CNTN2: variants seen among roughly 807,000 people sequenced by gnomAD.
The protein encoded by CNTN2 is contactin-2.
Under a neutral mutation model 117.5 loss-of-function variants are expected in CNTN2, and 53 were observed. That is an observed-to-expected ratio of 0.45 (90% CI 0.36 to 0.57). The LOEUF (loss-of-function observed/expected upper bound fraction) is 0.57. Ranked by LOEUF, CNTN2 falls within the 20% of genes least tolerant of loss-of-function variation. The probability of loss-of-function intolerance (pLI) is 0.00; values close to 1 mark genes in which losing one functional copy is unlikely to be tolerated. For missense variants in CNTN2, 1,106 were observed against 1,404.3 expected (o/e 0.79, Z 3.39); for synonymous variants, 530 against 561.7 (o/e 0.94, Z 0.80).
chr1:205,062,081 CT>C, intron 9 of CNTN2, 80 bp downstream of exon 9: 1 of 1,527,710 alleles, frequency 6.5e-7, no homozygotes, highest in Non-Finnish European at 8.8e-7. Context: ...AGAACTTCCC[CT>C]GCACCACTAG....
chr1:205,070,114 G>C, intron 18 of CNTN2, 53 bp downstream of exon 18: 2 of 1,550,972 alleles, frequency 1.3e-6, no homozygotes, highest in South Asian at 2.2e-5. Context: ...CTTGTCCACA[G>C]GGATGTGGGG....
At position 205,061,474 on chromosome 1, in the gene CNTN2, A is replaced by G. The variant is rs1181212058; in HGVS notation, c.973+54A>G. The G allele has an allele frequency of 1.3e-6, 2 of 1,493,550 alleles. No individual in the cohort carries two copies. Among genetic ancestry groups the G allele is most frequent in the African/African-American group, 1.4e-5 (1 of 72,056 alleles). 92.5% of individuals were successfully genotyped at this position (1,493,550 alleles called of 1,614,324 possible). A position where few individuals can be genotyped will look rare whatever the true frequency, so the allele number is the denominator to read the frequency against. Reference sequence around the variant, plus strand: ...CCTCCCGACCCCCCTTCCCGCCTTCACCCTTGTCCCCAAGGAAACAGACCC... The same window carrying G: ...CCTCCCGACCCCCCTTCCCGCCTTCGCCCTTGTCCCCAAGGAAACAGACCC... On this transcript the variant is annotated intron_variant, in intron 8 of 22. Coordinates refer to ENST00000331830, the MANE Select transcript of CNTN2 (RefSeq NM_005076.5). The surrounding 1 kb of genome is among the most constrained non-coding windows in gnomAD (Gnocchi z 4.8).
In CNTN2 at chr1:205,059,616, G is replaced by T. The variant is rs774885705; in HGVS notation, c.731G>T (p.Arg244Leu). 1.2e-6 allele frequency: 2 copies of T among 1,614,140 alleles called. No individual in the cohort carries two copies. ...CTCTTTGCACCCAGCATCAAGGCCCGGTTCCCAGCAGAGACCTATGCACTG... is the reference window on the plus strand; with the variant it reads ...CTCTTTGCACCCAGCATCAAGGCCCTGTTCCCAGCAGAGACCTATGCACTG... ...TRLFAPSIKA[R>L]FPAETYALVG... The change falls in exon 7 of 23, where the codon CGG (arginine) becomes CTG (leucine). Residue 244 changes from arginine (R) to leucine (L), a missense_variant. Coordinates refer to ENST00000331830, the MANE Select transcript of CNTN2 (RefSeq NM_005076.5). This position sits in a 1 kb window ranked among gnomAD's most constrained non-coding sequence, Gnocchi z 5.6.
At chr1:205,064,126 A>AGGGGGGGGGGGGGGGGGGGG (rs11329962) in intron 10 of CNTN2, among the ~76,000 whole-genome samples, 196 bp from the exon 11 acceptor site, 7 of 94,370 alleles carry the variant, frequency 7.4e-5, no homozygotes, top group Admixed American at 2.1e-4. Flanking sequence ...TGAGGGGCGG[A>AGGGGGGGGGGGGGGGGGGGG]GGGGGGGCGC....
Position 205,058,562 on chromosome 1 carries a change from C to T in CNTN2, c.392-6C>T, listed in dbSNP as rs1219243860. The stretch of plus-strand genomic sequence containing the variant: ...CAGTGCCTGAGCCCCTGGTCTCTGC[C>T]TCCAGTTCTGCAGGAATTCTCCAAG... On this transcript the variant is annotated splice_region_variant and splice_polypyrimidine_tract_variant and intron_variant, in intron 4 of 22. Transcript: ENST00000331830. The surrounding 1 kb of genome is among the most constrained non-coding windows in gnomAD (Gnocchi z 4.3). The T allele has an allele frequency of 6.2e-7, 1 of 1,613,342 alleles. No homozygotes were observed. The highest frequency in any genetic ancestry group is 8.5e-7 in the Non-Finnish European group (1 of 1,179,830).
At chr1:205,050,711 C>A (rs2096451158) in intron 1 of CNTN2, among the ~76,000 whole-genome samples, 1 of 152,106 alleles carries the variant, frequency 6.6e-6, no homozygotes, top group Non-Finnish European at 1.5e-5. Flanking sequence ...TTCCATCTCC[C>A]AAGTTCAAGT....
At chr1:205,044,356 A>G (rs1415725556) in intron 1 of CNTN2, among the ~76,000 whole-genome samples, 1 of 151,682 alleles carries the variant, frequency 6.6e-6, no homozygotes, top group Non-Finnish European at 1.5e-5. Context: ...GCAGCGGGGC[A>G]TGGAGAAGGC....
intron 2 of CNTN2, among the ~76,000 whole-genome samples, chr1:205,054,437 G>C (rs917346482): frequency 6.6e-6 from 1 of 152,210 alleles, no homozygotes; most frequent in African/African-American, 2.4e-5. Context: ...ACCTGTCCAA[G>C]GGTCCACCAG....
intron 1 of CNTN2, among the ~76,000 whole-genome samples, chr1:205,052,560 G>A (rs1215230617): frequency 1.3e-5 from 2 of 152,116 alleles, no homozygotes; most frequent in Non-Finnish European, 2.9e-5. Flanking sequence ...CTGGCAAGAG[G>A]GTGTGGACAA....
chr1:205,054,232 C>T (rs976116019), intron 2 of CNTN2, among the ~76,000 whole-genome samples: 2 of 152,218 alleles, frequency 1.3e-5, no homozygotes, highest in Non-Finnish European at 2.9e-5. Context: ...TCCCCTACCC[C>T]ACACCCCCTG....
rs1653949100 is a variant in CNTN2 at position 205,061,006 on chromosome 1, C to T, written c.798-239C>T. ...CCGCAGAAGCCCGGCTTCACTGGCT[C>T]CAGGGTTGTTGCAGGGGGGATGGGT... On this transcript the variant is annotated intron_variant, in intron 7 of 22. Transcript: ENST00000331830. This position sits in a 1 kb window ranked among gnomAD's most constrained non-coding sequence, Gnocchi z 4.8. 1.0e-5 allele frequency: 5 copies of T among 490,290 alleles called. No homozygotes were observed. In the East Asian group the frequency reaches 1.7e-4, roughly 17 times the overall value. 30.4% of individuals were successfully genotyped at this position (490,290 alleles called of 1,614,324 possible).
chr1:205,070,546 C>T lies in CNTN2; in HGVS notation c.2544+8C>T, dbSNP rs753041210. 3 of 1,602,244 alleles carry T rather than the reference C, an allele frequency of 1.9e-6. 1 individual carries two copies. Among genetic ancestry groups the T allele is most frequent in the South Asian group, 2.2e-5 (2 of 90,458 alleles). On this transcript the variant is annotated splice_region_variant and intron_variant, in intron 19 of 22. Transcript: ENST00000331830. Reference sequence around the variant, plus strand: ...ATCCTCCTGGGGTATGAGGTGAGCACCAACCTGGGACTTGGGAGAGGAAGG... The same window carrying T: ...ATCCTCCTGGGGTATGAGGTGAGCATCAACCTGGGACTTGGGAGAGGAAGG...
Position 205,061,053 on chromosome 1 carries a change from C to G in CNTN2, c.798-192C>G. 1.7e-6 allele frequency: 1 copy of G among 605,962 alleles called. No homozygotes were observed. Among genetic ancestry groups the G allele is most frequent in the South Asian group, 2.1e-5 (1 of 46,794 alleles). 37.5% of individuals were successfully genotyped at this position (605,962 alleles called of 1,614,324 possible). ...GGGTAGAGCAGCCCTGCCTCTTGCC[C>G]CTTCCCTGCGTGTGCTCCGAGCCTA... On this transcript the variant is annotated intron_variant, in intron 7 of 22. Coordinates refer to ENST00000331830, the MANE Select transcript of CNTN2 (RefSeq NM_005076.5). This position sits in a 1 kb window ranked among gnomAD's most constrained non-coding sequence, Gnocchi z 4.8.
chr1:205,069,975 C>T lies in CNTN2; in HGVS notation c.2345C>T (p.Thr782Met), dbSNP rs1654503786. 7 of 1,613,806 alleles carry T rather than the reference C, an allele frequency of 4.3e-6. No homozygotes were observed. The African/African-American group carries it at 6.7e-5, about 15-fold the overall frequency. Reference sequence around the variant, plus strand: ...AGCAACGAGAGCGTCCGGCCCTACACGCCCTTTGAGGTCAAGATCCGCAGC... The same window carrying T: ...AGCAACGAGAGCGTCCGGCCCTACATGCCCTTTGAGGTCAAGATCCGCAGC... ...VYSNESVRPY[T>M]PFEVKIRSYN... Residue 782 changes from threonine to methionine, a missense_variant, in exon 18 of 23, where the codon ACG becomes ATG. Coordinates refer to ENST00000331830, the MANE Select transcript of CNTN2 (RefSeq NM_005076.5).
intron 16 of CNTN2, chr1:205,067,629 G>C (rs941154362): frequency 1.2e-5 from 2 of 167,674 alleles, no homozygotes; most frequent in African/African-American, 4.8e-5. Context: ...ATGCACTACA[G>C]AAATCAGTTA....
In CNTN2 at chr1:205,059,447, C is replaced by T. The variant is rs1653850035; in HGVS notation, c.698-136C>T. 8.6e-7 allele frequency: 1 copy of T among 1,168,762 alleles called. No homozygotes were observed. Among genetic ancestry groups the T allele is most frequent in the Non-Finnish European group, 1.2e-6 (1 of 800,368 alleles). 72.4% of individuals were successfully genotyped at this position (1,168,762 alleles called of 1,614,324 possible). A position where few individuals can be genotyped will look rare whatever the true frequency, so the allele number is the denominator to read the frequency against. On this transcript the variant is annotated intron_variant, in intron 6 of 22. Transcript: ENST00000331830. The surrounding 1 kb of genome is among the most constrained non-coding windows in gnomAD (Gnocchi z 5.6). ...GATCCTCCTGCTTCAAATCCTGAGG[C>T]CCTTGCCCCAGGCCTCAAGGAGATT...
At position 205,073,563 on chromosome 1, in the gene CNTN2, C is replaced by T; in HGVS notation, c.3014-93C>T. The T allele has an allele frequency of 8.7e-7, 1 of 1,153,886 alleles. No homozygotes were observed. The highest frequency in any genetic ancestry group is 2.5e-5 in the East Asian group (1 of 39,390). 71.5% of individuals were successfully genotyped at this position (1,153,886 alleles called of 1,614,324 possible). A position where few individuals can be genotyped will look rare whatever the true frequency, so the allele number is the denominator to read the frequency against. ...TCCGCTCCCAGGCCTGCAGCTGGCC[C>T]TGTGAGTCTCCTTAGGAAAGGTCTC... is the stretch of plus-strand genomic sequence containing the variant. On this transcript the variant is annotated intron_variant, in intron 22 of 22. Transcript: ENST00000331830. The surrounding 1 kb of genome is among the most constrained non-coding windows in gnomAD (Gnocchi z 6.3).
chr1:205,046,199 C>G (rs1229287722), intron 1 of CNTN2, among the ~76,000 whole-genome samples: 1 of 152,200 alleles, frequency 6.6e-6, no homozygotes, highest in Non-Finnish European at 1.5e-5. Context: ...GCCCATGTTT[C>G]TTTGTTTACC....
At chr1:205,068,852 A>G (rs986518364) in intron 16 of CNTN2, 1 of 152,280 alleles carries the variant, frequency 6.6e-6, no homozygotes, top group Non-Finnish European at 1.5e-5. Flanking sequence ...TTTGACCCCC[A>G]GCCAAGTTAC....
Sources: allele counts gnomAD v4.1 joint callset (sites outside exome capture counted in the v4.1 genomes callset), GRCh38; gene constraint gnomAD v4.1.1; non-coding constraint Gnocchi (gnomAD v3.1); transcripts MANE v1.5; gene names NCBI Gene and HGNC (gene_info 2026-07-23, HGNC 2026-07-21).